Variants in DARS1 observed in about 807,000 individuals in gnomAD.
DARS1 encodes aspartyl-tRNA synthetase 1.
Under a neutral mutation model 68.8 loss-of-function variants are expected in DARS1, and 51 were observed. The ratio of observed to expected loss-of-function variants is 0.74; its 90% CI spans 0.59 to 0.94. DARS1 has a LOEUF of 0.94. Among genes scored for constraint, DARS1 ranks in the 40% least tolerant of loss-of-function variants. DARS1 has a pLI of 0.00. For missense variants in DARS1, 607 were observed against 597.3 expected, an observed-to-expected ratio of 1.02 and a Z score of -0.17; for synonymous variants, 203 against 190.4, an observed-to-expected ratio of 1.07 and a Z score of -0.55.
At chr2:135,920,381 T>C (rs1402695909) in intron 10 of DARS1, 72 bp downstream of exon 10, 2 of 1,501,702 alleles carry the variant, frequency 1.3e-6, no homozygotes, top group Non-Finnish European at 1.8e-6. Flanking sequence ...ATGTTTAAAT[T>C]GAAGAATTTT....
At chr2:135,958,711 T>A (rs1458847787) in intron 4 of DARS1, among the ~76,000 whole-genome samples, 1 of 152,210 alleles carries the variant, frequency 6.6e-6, no homozygotes, top group Non-Finnish European at 1.5e-5. Flanking sequence ...GAATTTTCCT[T>A]TTTCGCAAGA....
chr2:135,984,282 GAT>G (rs1398705132), intron 1 of DARS1, among the ~76,000 whole-genome samples: 1 of 152,162 alleles, frequency 6.6e-6, no homozygotes, highest in Non-Finnish European at 1.5e-5. Context: ...AGGGTACACT[GAT>G]AGTTTATGTA....
intron 3 of DARS1, among the ~76,000 whole-genome samples, chr2:135,972,020 T>C (rs530877878): frequency 6.6e-6 from 1 of 152,184 alleles, no homozygotes; most frequent in East Asian, 1.9e-4. Flanking sequence ...GTAATCTACA[T>C]ATTCAGTGCA....
chr2:135,972,347 T>G (rs1002246463), intron 3 of DARS1, among the ~76,000 whole-genome samples: 1 of 152,120 alleles, frequency 6.6e-6, no homozygotes, highest in Non-Finnish European at 1.5e-5. Context: ...GTCTTTTCAA[T>G]AAACGGTGCT....
intron 14 of DARS1, 60 bp from the exon 15 acceptor site, chr2:135,911,270 A>G (rs1225409724): frequency 2.1e-6 from 2 of 937,034 alleles, no homozygotes; most frequent in Non-Finnish European, 3.5e-6. Context: ...AAAGGTCACA[A>G]AAGCAATTAC....
intron 3 of DARS1, among the ~76,000 whole-genome samples, chr2:135,963,155 GA>G (rs1558796188): frequency 6.6e-6 from 1 of 151,788 alleles, no homozygotes; most frequent in African/African-American, 2.4e-5. Context: ...GTGTCTGGTA[GA>G]AAAAAAAGTA....
At chr2:135,943,273 C>T in intron 5 of DARS1, 105 bp downstream of exon 5, 3 of 1,431,264 alleles carry the variant, frequency 2.1e-6, no homozygotes, top group Non-Finnish European at 2.8e-6. Context: ...AATTTATAAA[C>T]CTCAGTATTT....
At chr2:135,970,858 G>C (rs554139154) in intron 3 of DARS1, among the ~76,000 whole-genome samples, 3 of 152,080 alleles carry the variant, frequency 2.0e-5, no homozygotes, top group African/African-American at 7.2e-5. Flanking sequence ...AGAAGAAATG[G>C]ACATTTCTAG....
chr2:135,943,517 A>G, intron 4 of DARS1, 37 bp from the exon 5 acceptor site: 1 of 1,603,520 alleles, frequency 6.2e-7, no homozygotes, highest in Non-Finnish European at 8.5e-7. Flanking sequence ...GAATCATCTC[A>G]TCAGAGGTGT....
chr2:135,963,626 C>T (rs999965801), intron 3 of DARS1, among the ~76,000 whole-genome samples: 2 of 151,580 alleles, frequency 1.3e-5, no homozygotes, highest in African/African-American at 4.9e-5. Context: ...CCCACCTCAG[C>T]CTCCCAAAGT....
intron 5 of DARS1, among the ~76,000 whole-genome samples, chr2:135,936,210 GGTAATACT>G (rs1289110131): frequency 1.3e-5 from 2 of 152,092 alleles, no homozygotes; most frequent in African/African-American, 2.4e-5. Context: ...CTACTTAGTA[GGTAATACT>G]TCATGCTTTG....
At chr2:135,951,205 C>A (rs1164915582) in intron 4 of DARS1, among the ~76,000 whole-genome samples, 2 of 152,160 alleles carry the variant, frequency 1.3e-5, no homozygotes, top group African/African-American at 2.4e-5. Flanking sequence ...TGGCTGCCTG[C>A]CCAATGGACT....
At chr2:135,938,618 T>C (rs1329709113) in intron 5 of DARS1, among the ~76,000 whole-genome samples, 2 of 152,190 alleles carry the variant, frequency 1.3e-5, no homozygotes, top group African/African-American at 4.8e-5. Flanking sequence ...ACAAGCAAAA[T>C]AACCAGCTAA....
Position 135,985,439 on chromosome 2 carries a change from A to G in DARS1, c.30T>C (p.Ser10=), listed in dbSNP as rs750991556. 9.9e-6 allele frequency: 16 copies of G among 1,613,546 alleles called. No individual in the cohort carries two copies. The South Asian group carries it at 1.5e-4, about 16-fold the overall frequency. ...CCATGATCTCCCGCGGCTTCTCCTG[A>G]CTCTTGCGGCTGGCGCTGGCGCTGG... The part of the protein sequence containing the change: MPSASASRK[S]QEKPREIMDA... Residue 10 remains serine, a synonymous_variant, in exon 1 of 16, where the codon AGT becomes AGC. Transcript: ENST00000264161.
intron 4 of DARS1, among the ~76,000 whole-genome samples, chr2:135,953,527 G>GA (rs1179639456): frequency 2.6e-5 from 4 of 151,786 alleles, no homozygotes; most frequent in Non-Finnish European, 5.9e-5. Context: ...GTGCTGATAA[G>GA]AAAAAAAAGC....
intron 10 of DARS1, among the ~76,000 whole-genome samples, chr2:135,916,612 T>C (rs971917772): frequency 2.6e-5 from 4 of 152,200 alleles, no homozygotes; most frequent in African/African-American, 9.7e-5. Flanking sequence ...TTCATATCAG[T>C]TAATATGGTT....
In DARS1 at chr2:135,961,590, C is replaced by G; in HGVS notation, c.218-92G>C. The G allele has an allele frequency of 5.2e-6, 4 of 772,022 alleles. No homozygotes were observed. The South Asian group carries it at 5.9e-5, about 11-fold the overall frequency. The allele number at this position is 772,022 out of a possible 1,614,324, so 47.8% of individuals were successfully genotyped here. A position where few individuals can be genotyped will look rare whatever the true frequency, so the allele number is the denominator to read the frequency against. On this transcript the variant is annotated intron_variant, in intron 3 of 15. Transcript: ENST00000264161. Reference sequence around the variant, plus strand: ...AATGCTCTCTACTTTAAAAGTGGGCCAAAATTTACTATACTCATCAGGCAC... The same window carrying G: ...AATGCTCTCTACTTTAAAAGTGGGCGAAAATTTACTATACTCATCAGGCAC...
At position 135,906,517 on chromosome 2, in the gene DARS1, C is replaced by A. The variant is rs1301433233; in HGVS notation, c.*799G>T. On this transcript the variant is annotated 3_prime_UTR_variant, in exon 16 of 16. Transcript: ENST00000264161. ...ACCCAAGCTGTCAACTTTAAGAGCTCTATCCCTACGCCCATCTAAACTAAT... is the reference window on the plus strand; with the variant it reads ...ACCCAAGCTGTCAACTTTAAGAGCTATATCCCTACGCCCATCTAAACTAAT... Among the ~76,000 whole-genome samples the A allele has an allele frequency of 6.6e-6, 1 of 152,186 alleles. No homozygotes were observed. Among genetic ancestry groups the A allele is most frequent in the Non-Finnish European group, 1.5e-5 (1 of 68,022 alleles).
chr2:135,960,489 CATTCTT>C (rs1558795086), intron 4 of DARS1, among the ~76,000 whole-genome samples: 1 of 152,010 alleles, frequency 6.6e-6, no homozygotes, highest in African/African-American at 2.4e-5. Context: ...TGTATTAACT[CATTCTT>C]AGAAAGCATG....
Sources: gnomAD v4.1 joint callset for allele counts (sites outside exome capture counted in the v4.1 genomes callset) on GRCh38, gnomAD v4.1.1 for gene constraint, MANE v1.5 for transcripts, NCBI Gene and HGNC (gene_info 2026-07-23, HGNC 2026-07-21) for gene names.